Variants in MTA1 observed in about 807,000 individuals in gnomAD.
MTA1 encodes the protein metastasis-associated protein MTA1.
Under a neutral mutation model 97.0 loss-of-function variants are expected in MTA1, and 15 were observed. The ratio of observed to expected loss-of-function variants is 0.15; its 90% CI spans 0.10 to 0.24. MTA1 has a LOEUF of 0.24. Ranked by LOEUF, MTA1 falls within the 10% of genes least tolerant of loss-of-function variation. MTA1 has a pLI of 1.00. For synonymous variants in MTA1, 435 were observed against 417.5 expected, an observed-to-expected ratio of 1.04 and a Z score of -0.51; for missense variants, 709 against 1,015.1, an observed-to-expected ratio of 0.70 and a Z score of 4.10.
intron 1 of MTA1, among the ~76,000 whole-genome samples, chr14:105,433,975 G>A (rs1008533463): frequency 1.3e-5 from 2 of 152,140 alleles, no homozygotes; most frequent in Admixed American, 6.5e-5. Flanking sequence ...CTACAGGTGC[G>A]TGCCACCACA....
At chr14:105,434,644 A>G (rs1230125639) in intron 1 of MTA1, among the ~76,000 whole-genome samples, 1 of 151,938 alleles carries the variant, frequency 6.6e-6, no homozygotes, top group African/African-American at 2.4e-5. Context: ...GATTACGGGC[A>G]TACACCACCA....
rs782433538 is a variant in MTA1, at chr14:105,466,763, C to T, written c.1813+21C>T. 2.6e-5 allele frequency: 40 copies of T among 1,560,044 alleles called. No homozygotes were observed. The East Asian group carries it at 7.9e-4, about 31-fold the overall frequency. ...TAGGGGTAAGGCCTGGAGCCGCGGG[C>T]GGGCGCTGCGCCGGCCCCGCCCGTG... On this transcript the variant is annotated intron_variant, in intron 18 of 20. Coordinates refer to ENST00000331320, the MANE Select transcript of MTA1 (RefSeq NM_004689.4).
At chr14:105,441,683 A>G (rs779707608) in intron 2 of MTA1, among the ~76,000 whole-genome samples, 83 of 152,250 alleles carry the variant, frequency 5.5e-4, no homozygotes, top group Admixed American at 9.2e-4. Context: ...GATCCCAGCT[A>G]CTCGGGAGGC....
At chr14:105,467,190 G>A (rs587746474) in intron 18 of MTA1, 28 of 357,234 alleles carry the variant, frequency 7.8e-5, no homozygotes, top group Middle Eastern at 1.0e-3. Context: ...GCCTTCTGTC[G>A]GAGGACTGGC....
intron 1 of MTA1, among the ~76,000 whole-genome samples, chr14:105,437,516 C>T (rs587606089): frequency 8.6e-5 from 13 of 151,028 alleles, no homozygotes; most frequent in South Asian, 2.1e-4. Flanking sequence ...TCCTCACTGG[C>T]GTGTCCTCAG....
At chr14:105,451,783 G>T (rs113731165) in intron 6 of MTA1, among the ~76,000 whole-genome samples, 3,702 of 30,486 alleles carry the variant, frequency 0.12, 453 homozygotes, top group Middle Eastern at 0.35. Context: ...TTCTTTTTTT[G>T]TTTTTTTTTT....
At chr14:105,449,966 T>G in intron 4 of MTA1, 92 bp from the exon 5 acceptor site, 1 of 1,570,062 alleles carries the variant, frequency 6.4e-7, no homozygotes, top group East Asian at 2.3e-5. Context: ...CTGGGCCTCC[T>G]GCGTGCTGGC....
intron 8 of MTA1, among the ~76,000 whole-genome samples, chr14:105,458,976 T>C (rs2083257682): frequency 1.3e-5 from 2 of 152,160 alleles, no homozygotes; most frequent in African/African-American, 2.4e-5. Flanking sequence ...AGTCTGTCCC[T>C]GGTCCCTGGC....
At chr14:105,429,820 G>C (rs11160844) in intron 1 of MTA1, among the ~76,000 whole-genome samples, 1 of 138,608 alleles carries the variant, frequency 7.2e-6, no homozygotes, top group Non-Finnish European at 1.5e-5. Flanking sequence ...GCAGTGGTGC[G>C]ATCTTGGCTC....
intron 18 of MTA1, chr14:105,469,206 C>T (rs750066677): frequency 1.1e-5 from 7 of 615,656 alleles, no homozygotes; most frequent in South Asian, 5.1e-5. Context: ...AGGTGACTGT[C>T]GGGTCCAAGG....
intron 1 of MTA1, among the ~76,000 whole-genome samples, chr14:105,431,029 C>T (rs929779526): frequency 6.6e-6 from 1 of 152,176 alleles, no homozygotes; most frequent in African/African-American, 2.4e-5. Flanking sequence ...CACCTCTGGT[C>T]CCTGGAATGT....
At chr14:105,459,030 G>A (rs1374091168) in intron 8 of MTA1, among the ~76,000 whole-genome samples, 4 of 151,132 alleles carry the variant, frequency 2.6e-5, no homozygotes, top group East Asian at 2.0e-4. Context: ...GCTGCCCGTG[G>A]CCCCTGGTCC....
intron 3 of MTA1, among the ~76,000 whole-genome samples, chr14:105,448,250 G>A (rs1555427712): frequency 1.3e-4 from 20 of 152,102 alleles, no homozygotes. Flanking sequence ...TGTGAGGGGT[G>A]CAGGGTACAC....
chr14:105,452,569 G>A (rs1260786175), intron 6 of MTA1, among the ~76,000 whole-genome samples: 7 of 152,218 alleles, frequency 4.6e-5, no homozygotes, highest in Admixed American at 2.6e-4. Flanking sequence ...TGTTGTCCCA[G>A]CTACTCAGGA....
intron 9 of MTA1, 113 bp from the exon 10 acceptor site, chr14:105,460,652 G>C: frequency 1.5e-6 from 2 of 1,295,654 alleles, no homozygotes; most frequent in Non-Finnish European, 2.1e-6. Context: ...AGGGAGGGTT[G>C]TGCTGCTGGG....
chr14:105,430,349 G>T (rs2082141872), intron 1 of MTA1, among the ~76,000 whole-genome samples: 1 of 152,144 alleles, frequency 6.6e-6, no homozygotes, highest in African/African-American at 2.4e-5. Context: ...TGGAGGAATG[G>T]CCAGTTCCTG....
rs942980358 is a variant in MTA1 at position 105,422,515 on chromosome 14, C to A, written c.28+2452C>A. Among the ~76,000 whole-genome samples, 5 of 152,198 alleles carry A rather than the reference C, an allele frequency of 3.3e-5. No individual in the cohort carries two copies. Among genetic ancestry groups the A allele is most frequent in the East Asian group, 1.9e-4 (1 of 5,200 alleles). ...GAAGGGGCTTGCTCCTGTGCCCCCC[C>A]ACCCCAGGGACCTTGTGTGTAGAGG... On this transcript the variant is annotated intron_variant, in intron 1 of 20. Coordinates refer to ENST00000331320, the MANE Select transcript of MTA1 (RefSeq NM_004689.4). This position sits in a 1 kb window ranked among gnomAD's most constrained non-coding sequence, Gnocchi z 4.3.
At chr14:105,434,901 G>C (rs1344942047) in intron 1 of MTA1, among the ~76,000 whole-genome samples, 1 of 152,168 alleles carries the variant, frequency 6.6e-6, no homozygotes, top group Admixed American at 6.5e-5. Flanking sequence ...TTTCTATATA[G>C]AAAGTCACAT....
Position 105,470,250 on chromosome 14 carries a change from C to T in MTA1, c.*35C>T, listed in dbSNP as rs782540551. 28 of 1,430,834 alleles carry T rather than the reference C, an allele frequency of 2.0e-5. No homozygotes were observed. Among genetic ancestry groups the T allele is most frequent in the Admixed American group, 1.4e-4 (5 of 35,412 alleles). 88.6% of individuals were successfully genotyped at this position (1,430,834 alleles called of 1,614,324 possible). ...CCACCTGCGGCCGCCCCCCGCCCCTCGCCCGCCCACACGGCCCCTTCCCAG... is the reference window on the plus strand; with the variant it reads ...CCACCTGCGGCCGCCCCCCGCCCCTTGCCCGCCCACACGGCCCCTTCCCAG... On this transcript the variant is annotated 3_prime_UTR_variant, in exon 21 of 21. Transcript: ENST00000331320.
Sources: gnomAD v4.1 joint callset for allele counts (sites outside exome capture counted in the v4.1 genomes callset) on GRCh38, gnomAD v4.1.1 for gene constraint, Gnocchi (gnomAD v3.1) non-coding constraint, MANE v1.5 for transcripts, NCBI Gene and HGNC (gene_info 2026-07-23, HGNC 2026-07-21) for gene names.